Variants in EYS observed in about 807,000 individuals in gnomAD.
EYS encodes protein eyes shut homolog.
Under a neutral mutation model 282.1 loss-of-function variants are expected in EYS, and 250 were observed. The ratio of observed to expected loss-of-function variants is 0.89; its 90% CI spans 0.80 to 0.98. EYS has a LOEUF of 0.98. EYS is among the 50% of genes least tolerant of loss of function. The pLI, the probability that EYS is intolerant of heterozygous loss-of-function variation, is 0.00. For synonymous variants in EYS, 1,355 were observed against 1,282.9 expected (o/e 1.06, Z -1.20); for missense variants, 4,016 against 3,709.0 (o/e 1.08, Z -2.15).
Position 64,343,991 on chromosome 6 carries a change from C to A in EYS, c.6079-36909G>T, listed in dbSNP as rs535576148. Among the ~76,000 whole-genome samples, 16 of 152,166 alleles carry A rather than the reference C, an allele frequency of 1.1e-4. No individual in the cohort carries two copies. The South Asian group carries it at 2.7e-3, about 26-fold the overall frequency. ...TAAATTCCTGGACACATACACACTC[C>A]CAAGACTAAACCAGGAAGAAGTTGA... On this transcript the variant is annotated intron_variant, in intron 29 of 42. Transcript: ENST00000503581.
At chr6:64,851,596 A>G (rs1228988395) in intron 19 of EYS, among the ~76,000 whole-genome samples, 2 of 152,140 alleles carry the variant, frequency 1.3e-5, no homozygotes, top group Non-Finnish European at 2.9e-5. Context: ...TAAAGGATAC[A>G]CCATGGAATA....
At chr6:65,300,952 T>A (rs1044122137) in intron 11 of EYS, 5 of 152,186 alleles carry the variant, frequency 3.3e-5, no homozygotes, top group Admixed American at 1.3e-4. Context: ...TTCGCACAGA[T>A]AAAAGAGAGA....
intron 5 of EYS, among the ~76,000 whole-genome samples, chr6:65,458,567 C>T (rs1258495673): frequency 1.3e-5 from 2 of 152,184 alleles, no homozygotes; most frequent in East Asian, 1.9e-4. Flanking sequence ...TTTCCAATTC[C>T]TATTTATCAC....
At chr6:65,106,652 C>T (rs905898512) in intron 12 of EYS, among the ~76,000 whole-genome samples, 2 of 152,050 alleles carry the variant, frequency 1.3e-5, no homozygotes, top group African/African-American at 4.8e-5. Flanking sequence ...TCTGGTAACA[C>T]ATTTCTTTTG....
At chr6:63,870,084 G>T (rs1772764608) in intron 35 of EYS, among the ~76,000 whole-genome samples, 1 of 152,164 alleles carries the variant, frequency 6.6e-6, no homozygotes, top group African/African-American at 2.4e-5. Context: ...TAAATGCAGT[G>T]CTTATGAAGC....
intron 14 of EYS, among the ~76,000 whole-genome samples, chr6:64,988,452 C>T (rs1436046373): frequency 6.6e-6 from 1 of 151,498 alleles, no homozygotes; most frequent in Admixed American, 6.6e-5. Context: ...CTGTGAGTTT[C>T]TTACTCTATG....
intron 31 of EYS, among the ~76,000 whole-genome samples, chr6:64,225,659 C>T (rs1766231680): frequency 6.6e-6 from 1 of 152,060 alleles, no homozygotes; most frequent in African/African-American, 2.4e-5. Context: ...CCTGTCAAAA[C>T]CTTGATTTAA....
chr6:64,521,946 T>C (rs1777753133), intron 26 of EYS, among the ~76,000 whole-genome samples: 1 of 151,680 alleles, frequency 6.6e-6, no homozygotes, highest in Non-Finnish European at 1.5e-5. Context: ...CACACTTATT[T>C]GCAATGAGAA....
Position 64,029,981 on chromosome 6 carries a change from C to T in EYS, c.6726-30798G>A, listed in dbSNP as rs77432539. Among the ~76,000 whole-genome samples the T allele has an allele frequency of 5.3e-5, 8 of 152,170 alleles. 1 individual carries two copies. The East Asian group carries it at 1.4e-3, about 26-fold the overall frequency. ...AGTTATTGCACACAATGCAAAAACA[C>T]AAGGAGGTGGCACTCTTACACTGCC... On this transcript the variant is annotated intron_variant, in intron 33 of 42. Transcript: ENST00000503581.
chr6:64,268,098 A>T (rs1767819151), intron 30 of EYS, among the ~76,000 whole-genome samples: 1 of 152,026 alleles, frequency 6.6e-6, no homozygotes, highest in African/African-American at 2.4e-5. Flanking sequence ...TTTTCCTAGC[A>T]CACAACTGCA....
intron 8 of EYS, among the ~76,000 whole-genome samples, chr6:65,372,134 T>TA (rs903594122): frequency 2.0e-5 from 3 of 151,550 alleles, no homozygotes; most frequent in South Asian, 2.1e-4. Context: ...ATAGGAGATT[T>TA]AAAAAAAATA....
intron 26 of EYS, among the ~76,000 whole-genome samples, chr6:64,545,626 C>T (rs187065608): frequency 2.6e-5 from 4 of 152,248 alleles, no homozygotes; most frequent in South Asian, 2.1e-4. Flanking sequence ...AAAACCCCAT[C>T]GTCTCAGCCC....
chr6:64,703,691 T>C (rs796962793), intron 22 of EYS, among the ~76,000 whole-genome samples: 6 of 151,966 alleles, frequency 3.9e-5, no homozygotes, highest in African/African-American at 1.4e-4. Context: ...CAAAGTTCAT[T>C]GAACATTGAT....
chr6:63,988,871 C>T (rs1767485826), intron 34 of EYS, among the ~76,000 whole-genome samples: 1 of 151,520 alleles, frequency 6.6e-6, no homozygotes, highest in Non-Finnish European at 1.5e-5. Flanking sequence ...TATAGTTATT[C>T]TTTTATGATA....
At chr6:63,974,218 T>C (rs767635034) in intron 35 of EYS, among the ~76,000 whole-genome samples, 1 of 152,088 alleles carries the variant, frequency 6.6e-6, no homozygotes, top group African/African-American at 2.4e-5. Flanking sequence ...CAATTTACCA[T>C]TTTTACGCAT....
intron 12 of EYS, among the ~76,000 whole-genome samples, chr6:65,078,409 A>G (rs1774122965): frequency 6.6e-6 from 1 of 152,142 alleles, no homozygotes; most frequent in South Asian, 2.1e-4. Flanking sequence ...ACACAATAGC[A>G]AAATAGGAAC....
At chr6:64,199,074 A>C (rs1254828571) in intron 31 of EYS, among the ~76,000 whole-genome samples, 1 of 152,054 alleles carries the variant, frequency 6.6e-6, no homozygotes, top group African/African-American at 2.4e-5. Flanking sequence ...TTCTCTAATG[A>C]GCAGTGACTA....
At chr6:64,296,140 T>C (rs1272980213) in intron 30 of EYS, among the ~76,000 whole-genome samples, 3 of 152,176 alleles carry the variant, frequency 2.0e-5, no homozygotes, top group Non-Finnish European at 4.4e-5. Context: ...TTATCAAGTT[T>C]TGGCATAATA....
At chr6:65,632,208 G>A (rs1049891414) in intron 2 of EYS, among the ~76,000 whole-genome samples, 3 of 152,128 alleles carry the variant, frequency 2.0e-5, no homozygotes, top group African/African-American at 7.2e-5. Context: ...AATGCTGAAT[G>A]CAAAGCAACT....
Sources: allele counts gnomAD v4.1 joint callset (sites outside exome capture counted in the v4.1 genomes callset), GRCh38; gene constraint gnomAD v4.1.1; transcripts MANE v1.5; gene names NCBI Gene and HGNC (gene_info 2026-07-23, HGNC 2026-07-21).